Variants in NAV2 observed in about 807,000 individuals in gnomAD.
NAV2 encodes helicase, APC down-regulated 1.
Under a neutral mutation model 223.2 loss-of-function variants are expected in NAV2, and 54 were observed. That is an observed-to-expected ratio of 0.24 (90% CI 0.19 to 0.30). The LOEUF is 0.30. Ranked by LOEUF, NAV2 falls within the 10% of genes least tolerant of loss-of-function variation. The probability of loss-of-function intolerance (pLI) is 1.00; values close to 1 mark genes in which losing one functional copy is unlikely to be tolerated. For missense variants in NAV2, 2,806 were observed against 3,147.5 expected, an observed-to-expected ratio of 0.89 and a Z score of 2.60; for synonymous variants, 1,279 against 1,239.3, an observed-to-expected ratio of 1.03 and a Z score of -0.67.
chr11:19,836,208 A>G (rs920011325), intron 2 of NAV2, among the ~76,000 whole-genome samples: 6 of 152,152 alleles, frequency 3.9e-5, no homozygotes, highest in Non-Finnish European at 5.9e-5. Flanking sequence ...ACACCTTTCT[A>G]CTTTCTAGGG....
chr11:19,539,299 T>C (rs1307931727), intron 1 of NAV2, among the ~76,000 whole-genome samples: 2 of 152,206 alleles, frequency 1.3e-5, no homozygotes, highest in Non-Finnish European at 2.9e-5. Context: ...GTTTTCAAAA[T>C]TGATCTATCC....
At chr11:19,937,932 A>G (rs2046054233) in intron 7 of NAV2, among the ~76,000 whole-genome samples, 1 of 152,230 alleles carries the variant, frequency 6.6e-6, no homozygotes, top group African/African-American at 2.4e-5. Context: ...AACTCCTGGC[A>G]AGGAGTCAAG....
At chr11:19,914,331 T>C (rs1049322256) in intron 6 of NAV2, among the ~76,000 whole-genome samples, 1 of 152,210 alleles carries the variant, frequency 6.6e-6, no homozygotes, top group African/African-American at 2.4e-5. Flanking sequence ...TTGCCTAGTC[T>C]GTTCTGCCGA....
intron 1 of NAV2, among the ~76,000 whole-genome samples, chr11:19,414,515 T>A (rs954480465): frequency 6.6e-6 from 1 of 152,182 alleles, no homozygotes; most frequent in Admixed American, 6.5e-5. Context: ...AACACCCCAC[T>A]GTCAATATTA....
intron 1 of NAV2, among the ~76,000 whole-genome samples, chr11:19,792,218 G>A (rs1311041246): frequency 6.6e-6 from 1 of 152,170 alleles, no homozygotes; most frequent in East Asian, 1.9e-4. Flanking sequence ...CAGGCTTTAG[G>A]AGCTCTGTGC....
intron 1 of NAV2, among the ~76,000 whole-genome samples, chr11:19,406,423 G>A (rs1480025773): frequency 3.7e-4 from 56 of 152,172 alleles, no homozygotes; most frequent in African/African-American, 4.8e-5. Context: ...GGAGGAGAGC[G>A]TTTTCCAGAA....
chr11:19,536,268 C>G (rs2044186524), intron 1 of NAV2, among the ~76,000 whole-genome samples: 1 of 152,200 alleles, frequency 6.6e-6, no homozygotes, highest in Non-Finnish European at 1.5e-5. Context: ...AGAGGCCCAG[C>G]TGACATTTTG....
chr11:20,112,440 C>T (rs7111397), intron 36 of NAV2, among the ~76,000 whole-genome samples: 11,160 of 152,096 alleles, frequency 0.073, 495 homozygotes, highest in African/African-American at 0.12. Flanking sequence ...GTGATAGCCA[C>T]GAATACAGAG....
intron 11 of NAV2, among the ~76,000 whole-genome samples, chr11:20,022,204 C>A (rs1011092363): frequency 3.3e-5 from 5 of 152,182 alleles, no homozygotes; most frequent in African/African-American, 9.7e-5. Context: ...CTTTTGAGTT[C>A]TCAGTAGTAA....
rs558883921 is a variant in NAV2 at position 19,585,076 on chromosome 11, GTATATAT to G, written c.75+234051_75+234057del. On this transcript the variant is annotated intron_variant, in intron 1 of 37. Coordinates refer to the NAV2 transcript ENST00000360655. ...ATCTGGGTGCTCCTATATTGGGTGC[GTATATAT>G]TTAGGATAGTTAGCTCTTCTTGTTG... is the stretch of plus-strand genomic sequence containing the variant. 2.6e-3 allele frequency among the ~76,000 whole-genome samples: 403 copies of G among 152,232 alleles called. 2 individuals are homozygous for G. The highest frequency in any genetic ancestry group is 9.4e-3 in the African/African-American group (389 of 41,524).
At chr11:19,978,375 T>C (rs2049989655) in intron 10 of NAV2, among the ~76,000 whole-genome samples, 1 of 152,204 alleles carries the variant, frequency 6.6e-6, no homozygotes, top group Admixed American at 6.5e-5. Context: ...TGGATGTTGA[T>C]GACATTGCTC....
chr11:19,832,576 C>T lies in NAV2; in HGVS notation c.360C>T (p.Leu120=), dbSNP rs907667470. The T allele has an allele frequency of 6.2e-6, 10 of 1,614,080 alleles. No homozygotes were observed. The African/African-American group carries it at 8.0e-5, about 13-fold the overall frequency. Residue 120 remains leucine (L), a synonymous_variant, in exon 2 of 38, where the codon CTC becomes CTT. Coordinates refer to ENST00000349880, the MANE Select transcript of NAV2 (RefSeq NM_145117.5). ...AGCAAGATGTGACAGATGGCGTCCT[C>T]CTGGCCCAGATTATCCAGGTTGTGG... ...DLQQDVTDGV[L]LAQIIQVVAN... is the part of the protein sequence containing the mutation.
rs187013962 is a variant in NAV2 at position 19,811,733 on chromosome 11, C to T, written c.268-20751C>T. Among the ~76,000 whole-genome samples the T allele has an allele frequency of 7.2e-5, 11 of 152,232 alleles. No homozygotes were observed. The East Asian group carries it at 1.4e-3, about 19-fold the overall frequency. On this transcript the variant is annotated intron_variant, in intron 1 of 37. Transcript: ENST00000349880. ...AATGACTGCCTCCTCTTCCTTTTTG[C>T]GTGCTTTTGCTAAAGTTTTATGCAG...
At chr11:19,781,954 C>T (rs965940083) in intron 1 of NAV2, among the ~76,000 whole-genome samples, 8 of 152,068 alleles carry the variant, frequency 5.3e-5, no homozygotes, top group South Asian at 2.1e-4. Context: ...TAACAACTTC[C>T]GTTTTTTTTC....
At chr11:19,873,844 C>G (rs1041155151) in intron 4 of NAV2, among the ~76,000 whole-genome samples, 1 of 152,128 alleles carries the variant, frequency 6.6e-6, no homozygotes, top group Non-Finnish European at 1.5e-5. Context: ...TGGAGAGCAG[C>G]AAGAACACAG....
chr11:20,082,577 C>T (rs369423238), intron 25 of NAV2: 47 of 1,613,464 alleles, frequency 2.9e-5, no homozygotes, highest in South Asian at 5.5e-5. Context: ...TTTTTGCTTG[C>T]GTTTTCTCTG....
intron 1 of NAV2, among the ~76,000 whole-genome samples, chr11:19,806,722 T>G (rs1453496980): frequency 6.6e-6 from 1 of 152,190 alleles, no homozygotes; most frequent in Non-Finnish European, 1.5e-5. Context: ...CTTTGGTGAA[T>G]TAGAAAAAGC....
chr11:19,703,264 TC>T (rs1348308506), intron 1 of NAV2, among the ~76,000 whole-genome samples: 6 of 152,216 alleles, frequency 3.9e-5, no homozygotes, highest in Non-Finnish European at 5.9e-5. Flanking sequence ...CTCCAAATCC[TC>T]CTCTCAGAGT....
At chr11:19,616,620 G>T (rs189285989) in intron 1 of NAV2, among the ~76,000 whole-genome samples, 2 of 151,922 alleles carry the variant, frequency 1.3e-5, no homozygotes, top group Non-Finnish European at 2.9e-5. Context: ...GTTGCTCCAC[G>T]TGCCCTGATG....
Sources: gnomAD v4.1 joint callset for allele counts (sites outside exome capture counted in the v4.1 genomes callset) on GRCh38, gnomAD v4.1.1 for gene constraint, MANE v1.5 for transcripts, NCBI Gene and HGNC (gene_info 2026-07-23, HGNC 2026-07-21) for gene names.